Variants in SNX30 observed in about 807,000 individuals in gnomAD.
The protein encoded by SNX30 is sorting nexin-30.
A neutral mutation model predicts 46.4 loss-of-function variants in SNX30; 24 were observed. The ratio of observed to expected loss-of-function variants is 0.52; its 90% confidence interval spans 0.37 to 0.73. The LOEUF (loss-of-function observed/expected upper bound fraction) is 0.73. Among genes scored for constraint, SNX30 ranks in the 30% least tolerant of loss-of-function variants. The probability of loss-of-function intolerance (pLI) is 0.00; values close to 1 mark genes in which losing one functional copy is unlikely to be tolerated. For synonymous variants in SNX30, 189 were observed against 211.5 expected, an observed-to-expected ratio of 0.89 and a Z score of 0.92; for missense variants, 533 against 555.7, an observed-to-expected ratio of 0.96 and a Z score of 0.41.
In SNX30 at chr9:112,782,494, A is replaced by G. The variant is rs533341741; in HGVS notation, c.157-22282A>G. ...TGGCCACAGACTGTTCCTTAACAAA[A>G]AAGTTTGCTGACCCCTGGTATAAAT... On this transcript the variant is annotated intron_variant, in intron 1 of 8. Coordinates refer to ENST00000374232, the MANE Select transcript of SNX30 (RefSeq NM_001012994.2). Among the ~76,000 whole-genome samples, 16 of 152,370 alleles carry G rather than the reference A, an allele frequency of 1.1e-4. No individual in the cohort carries two copies. The South Asian group carries it at 2.5e-3, about 24-fold the overall frequency.
chr9:112,789,233 A>G (rs1055480706), intron 1 of SNX30, among the ~76,000 whole-genome samples: 2 of 152,198 alleles, frequency 1.3e-5, no homozygotes, highest in African/African-American at 4.8e-5. Context: ...CCAGCAGCAG[A>G]GGAAGAATTT....
At chr9:112,759,365 C>T (rs1025701113) in intron 1 of SNX30, among the ~76,000 whole-genome samples, 3 of 152,134 alleles carry the variant, frequency 2.0e-5, no homozygotes, top group African/African-American at 7.2e-5. Flanking sequence ...TGCCTGACCC[C>T]TTGGTAGGTA....
At chr9:112,823,639 A>G (rs551795303) in intron 3 of SNX30, among the ~76,000 whole-genome samples, 2 of 152,210 alleles carry the variant, frequency 1.3e-5, no homozygotes, top group African/African-American at 4.8e-5. Flanking sequence ...TTCTGGAAGG[A>G]TACATTTGTA....
chr9:112,832,485 T>TGAGA (rs1172185694), intron 4 of SNX30, among the ~76,000 whole-genome samples: 2 of 130,426 alleles, frequency 1.5e-5, no homozygotes, highest in Admixed American at 7.9e-5. Flanking sequence ...TGTGTGTGTG[T>TGAGA]GTGTGTGTGT....
At chr9:112,879,958 T>C, downstream of SNX30, 1 of 693,060 alleles carries the variant, frequency 1.4e-6, no homozygotes, top group Non-Finnish European at 2.5e-6. Context: ...GGTGTGCTGG[T>C]GCACTGTGAC....
downstream of SNX30, among the ~76,000 whole-genome samples, chr9:112,882,389 G>T (rs1413056187): frequency 6.6e-6 from 1 of 152,208 alleles, no homozygotes; most frequent in Non-Finnish European, 1.5e-5. Context: ...TTACAGGTGT[G>T]AGCCACTGCA....
In SNX30 at chr9:112,871,049, C is replaced by T. The variant is rs963949530; in HGVS notation, c.*2206C>T. ...GATGTGGGAAGGGGCGTGGGACGCA[C>T]GCGGTCACTCCCTCTCCTAGTGAGA... On this transcript the variant is annotated 3_prime_UTR_variant, in exon 9 of 9. Transcript: ENST00000374232. The T allele has an allele frequency of 2.6e-5, 4 of 152,212 alleles. No homozygotes were observed. Among genetic ancestry groups the T allele is most frequent in the African/African-American group, 4.8e-5 (2 of 41,442 alleles). 9.4% of individuals were successfully genotyped at this position (152,212 alleles called of 1,614,324 possible). A position where few individuals can be genotyped will look rare whatever the true frequency, so the allele number is the denominator to read the frequency against.
intron 3 of SNX30, among the ~76,000 whole-genome samples, chr9:112,823,424 AT>A (rs1213661454): frequency 6.6e-6 from 1 of 152,190 alleles, no homozygotes; most frequent in Non-Finnish European, 1.5e-5. Flanking sequence ...GGCAACCACC[AT>A]TCTATTTTCT....
chr9:112,815,530 T>C (rs1840383395), intron 2 of SNX30, among the ~76,000 whole-genome samples: 1 of 152,036 alleles, frequency 6.6e-6, no homozygotes, highest in African/African-American at 2.4e-5. Flanking sequence ...CTGGCTAATT[T>C]TTGTATTTTT....
chr9:112,846,411 C>G (rs910531531), intron 6 of SNX30, among the ~76,000 whole-genome samples: 1 of 152,136 alleles, frequency 6.6e-6, no homozygotes, highest in African/African-American at 2.4e-5. Context: ...ACATCTAACT[C>G]GCAGGTGGTC....
At chr9:112,813,340 T>C (rs1249073750) in intron 2 of SNX30, among the ~76,000 whole-genome samples, 5 of 151,920 alleles carry the variant, frequency 3.3e-5, no homozygotes, top group Admixed American at 6.6e-5. Flanking sequence ...ATCAGCCAGA[T>C]ATGGTGGCAT....
intron 1 of SNX30, among the ~76,000 whole-genome samples, chr9:112,787,574 G>T (rs960517701): frequency 1.3e-5 from 2 of 152,014 alleles, no homozygotes; most frequent in Non-Finnish European, 2.9e-5. Context: ...AGAATCTGTC[G>T]TGATTTTTTT....
At position 112,804,799 on chromosome 9, in the gene SNX30, TACTCCAGCAGGTACTTCA is replaced by T. The variant is rs1158290211; in HGVS notation, c.182_199del (p.Thr61_Ser66del). The T allele has an allele frequency of 7.4e-6, 12 of 1,611,584 alleles. No individual in the cohort carries two copies. The highest frequency in any genetic ancestry group is 1.0e-5 in the Non-Finnish European group (12 of 1,178,574). On this transcript the variant is annotated inframe_deletion, in exon 2 of 9. Transcript: ENST00000374232. ...AGGATCTCATTTTGCCCAACGGTGG[TACTCCAGCAGGTACTTCA>T]AGTCCAGCTTCTTCATCTTCCCTTC... is the stretch of plus-strand genomic sequence containing the variant.
intron 1 of SNX30, among the ~76,000 whole-genome samples, chr9:112,763,232 A>G (rs1839473128): frequency 6.6e-6 from 1 of 151,774 alleles, no homozygotes; most frequent in Non-Finnish European, 1.5e-5. Context: ...TAGTGGCATA[A>G]TCTTGGCTCC....
chr9:112,814,585 A>G (rs1031681823), intron 2 of SNX30, among the ~76,000 whole-genome samples: 2 of 152,346 alleles, frequency 1.3e-5, no homozygotes, highest in East Asian at 3.9e-4. Context: ...GAAGAAAAAT[A>G]CTTTTCTTCT....
chr9:112,761,939 T>C (rs1237587235), intron 1 of SNX30, among the ~76,000 whole-genome samples: 1 of 152,130 alleles, frequency 6.6e-6, no homozygotes, highest in East Asian at 1.9e-4. Context: ...AAAGTGCATA[T>C]TGACAATAAA....
chr9:112,865,661 A>ATATATATATATATGTG, intron 8 of SNX30, among the ~76,000 whole-genome samples: 2 of 105,682 alleles, frequency 1.9e-5, no homozygotes, highest in African/African-American at 7.6e-5. Flanking sequence ...ATATATATAT[A>ATATATATATATATGTG]TGTATGTATG....
intron 1 of SNX30, among the ~76,000 whole-genome samples, chr9:112,779,203 A>G (rs961071088): frequency 1.3e-5 from 2 of 152,158 alleles, no homozygotes; most frequent in Non-Finnish European, 2.9e-5. Flanking sequence ...CCTGTATGCA[A>G]TGTATTAGCG....
intron 2 of SNX30, among the ~76,000 whole-genome samples, chr9:112,807,709 C>A (rs970511908): frequency 2.0e-5 from 3 of 152,198 alleles, no homozygotes; most frequent in Non-Finnish European, 4.4e-5. Context: ...CCCTCAGCTT[C>A]TTGATTTTTC....
Sources: gnomAD v4.1 joint callset for allele counts (sites outside exome capture counted in the v4.1 genomes callset) on GRCh38, gnomAD v4.1.1 for gene constraint, MANE v1.5 for transcripts, NCBI Gene and HGNC (gene_info 2026-07-23, HGNC 2026-07-21) for gene names.